EFR3A: variants seen among roughly 807,000 people sequenced by gnomAD.
EFR3A encodes the protein EFR3 homolog A.
EFR3A carries 76 observed loss-of-function variants against 104.4 expected under a neutral mutation model. That is an observed-to-expected ratio of 0.73 (90% CI 0.60 to 0.88). EFR3A has a LOEUF of 0.88. Among genes scored for constraint, EFR3A ranks in the 40% least tolerant of loss-of-function variants. The pLI is 0.00. For synonymous variants in EFR3A, 330 were observed against 330.0 expected (o/e 1.00, Z 0.00); for missense variants, 985 against 1,012.5 (o/e 0.97, Z 0.37).
intron 6 of EFR3A, among the ~76,000 whole-genome samples, chr8:131,954,897 C>T (rs909293761): frequency 2.0e-5 from 3 of 151,974 alleles, no homozygotes; most frequent in South Asian, 2.1e-4. Context: ...TGGTAACACA[C>T]GTTCATGTTA....
In EFR3A at chr8:131,908,306, C is replaced by T. The variant is rs775599705; in HGVS notation, c.10+3984C>T. 5.3e-5 allele frequency among the ~76,000 whole-genome samples: 8 copies of T among 152,082 alleles called. No homozygotes were observed. The East Asian group carries it at 5.8e-4, about 11-fold the overall frequency. ...CAATCTCCTGACCTCGTGATCCACC[C>T]GTCTCGGCCTCCCAAAGTGCTGGGA... On this transcript the variant is annotated intron_variant, in intron 1 of 22. Coordinates refer to ENST00000254624, the MANE Select transcript of EFR3A (RefSeq NM_015137.6).
intron 1 of EFR3A, among the ~76,000 whole-genome samples, chr8:131,929,630 G>C (rs1190131166): frequency 1.3e-5 from 2 of 152,140 alleles, no homozygotes; most frequent in African/African-American, 2.4e-5. Context: ...ATTGTGGCCT[G>C]TATTTGTATT....
At chr8:131,960,054 A>G (rs577793512) in intron 8 of EFR3A, among the ~76,000 whole-genome samples, 18 of 152,208 alleles carry the variant, frequency 1.2e-4, no homozygotes, top group African/African-American at 1.7e-4. Flanking sequence ...TATGTATACA[A>G]CCATTTAAAT....
At chr8:132,008,066 G>GTTGTAC (rs1275473080) in intron 22 of EFR3A, among the ~76,000 whole-genome samples, 1 of 151,838 alleles carries the variant, frequency 6.6e-6, no homozygotes, top group Admixed American at 6.6e-5. Flanking sequence ...GACACACAAA[G>GTTGTAC]TACTAAACAA....
At chr8:131,959,486 G>T in intron 7 of EFR3A, 99 bp from the exon 8 acceptor site, 1 of 864,238 alleles carries the variant, frequency 1.2e-6, no homozygotes, top group Non-Finnish European at 1.8e-6. Context: ...TTTCTTTTAG[G>T]TAATATTCTC....
chr8:131,992,801 G>A (rs1821260136), intron 18 of EFR3A, among the ~76,000 whole-genome samples: 1 of 152,094 alleles, frequency 6.6e-6, no homozygotes, highest in African/African-American at 2.4e-5. Flanking sequence ...ATTAATTAGG[G>A]AAGGTTGAAG....
chr8:131,951,168 A>G (rs1315291265), intron 5 of EFR3A, among the ~76,000 whole-genome samples: 2 of 152,162 alleles, frequency 1.3e-5, no homozygotes, highest in African/African-American at 2.4e-5. Flanking sequence ...AAACAAAAAC[A>G]AGTATAAATG....
intron 1 of EFR3A, among the ~76,000 whole-genome samples, chr8:131,925,552 A>G (rs767481190): frequency 1.8e-4 from 28 of 152,206 alleles, no homozygotes; most frequent in Non-Finnish European, 2.8e-4. Context: ...GACATTAAAT[A>G]TGAAAACACA....
In EFR3A at chr8:131,965,522, C is replaced by T. The variant is rs370865798; in HGVS notation, c.856-2773C>T. The stretch of plus-strand genomic sequence containing the variant: ...AAAACCACAATGAGATACCATCTCA[C>T]GCCAATTAGAATGGCAATCATTAAA... On this transcript the variant is annotated intron_variant, in intron 8 of 22. Transcript: ENST00000254624. Among the ~76,000 whole-genome samples, 35 of 152,324 alleles carry T rather than the reference C, an allele frequency of 2.3e-4. 1 individual carries two copies. The East Asian group carries it at 4.8e-3, about 21-fold the overall frequency.
At chr8:131,966,230 A>T (rs1323505635) in intron 8 of EFR3A, among the ~76,000 whole-genome samples, 1 of 152,076 alleles carries the variant, frequency 6.6e-6, no homozygotes, top group Non-Finnish European at 1.5e-5. Context: ...AATAAATAAA[A>T]AGCAACAAAA....
chr8:131,968,542 G>A lies in EFR3A; in HGVS notation c.991+112G>A, dbSNP rs537458514. 7 of 1,145,422 alleles carry A rather than the reference G, an allele frequency of 6.1e-6. No individual in the cohort carries two copies. The South Asian group carries it at 6.3e-5, about 10-fold the overall frequency. 71.0% of individuals were successfully genotyped at this position (1,145,422 alleles called of 1,614,324 possible). A position where few individuals can be genotyped will look rare whatever the true frequency, so the allele number is the denominator to read the frequency against. On this transcript the variant is annotated intron_variant, in intron 9 of 22. Coordinates refer to ENST00000254624, the MANE Select transcript of EFR3A (RefSeq NM_015137.6). ...TTAAGAATATTTCTACACATTTTTC[G>A]GTGTACAATAATTTTTTTTGAAATT...
At position 131,996,477 on chromosome 8, in the gene EFR3A, A is replaced by G; in HGVS notation, c.2137A>G (p.Asn713Asp). The G allele has an allele frequency of 6.3e-7, 1 of 1,599,054 alleles. No homozygotes were observed. Among genetic ancestry groups the G allele is most frequent in the Non-Finnish European group, 8.5e-7 (1 of 1,173,532 alleles). The change falls in exon 19 of 23, where the codon AAT becomes GAT. Residue 713 changes from asparagine (N) to aspartate (D), a missense_variant. Asn to Asp is a conservative substitution (Grantham distance 23). Transcript: ENST00000254624. ...VSIQVDILSN[N>D]VPSDDVVSNT... ...CATTCAGGTGGATATTTTATCCAAC[A>G]ATGTTCCTTCTGATGATGTGGTAAG...
intron 6 of EFR3A, among the ~76,000 whole-genome samples, chr8:131,955,339 G>C (rs539089810): frequency 6.6e-6 from 1 of 152,094 alleles, no homozygotes; most frequent in Non-Finnish European, 1.5e-5. Context: ...AGATATTCTA[G>C]TTAGCTTTTA....
At chr8:131,923,249 CAT>C (rs760047482) in intron 1 of EFR3A, among the ~76,000 whole-genome samples, 2 of 152,014 alleles carry the variant, frequency 1.3e-5, no homozygotes, top group African/African-American at 2.4e-5. Flanking sequence ...AATATGTTGG[CAT>C]GTGTGTGTAT....
At chr8:131,905,846 G>C (rs1455376453) in intron 1 of EFR3A, among the ~76,000 whole-genome samples, 1 of 152,216 alleles carries the variant, frequency 6.6e-6, no homozygotes. Flanking sequence ...TTGGTAACAT[G>C]CCAGAATTAT....
chr8:131,966,728 T>C (rs1224366450), intron 8 of EFR3A, among the ~76,000 whole-genome samples: 1 of 152,180 alleles, frequency 6.6e-6, no homozygotes, highest in Non-Finnish European at 1.5e-5. Flanking sequence ...CCAGGGCTTA[T>C]GTACTTCACC....
In EFR3A at chr8:132,010,917, A is replaced by T. The variant is rs1311986620; in HGVS notation, c.*22A>T. On this transcript the variant is annotated 3_prime_UTR_variant, in exon 23 of 23. Transcript: ENST00000254624. ...CTGATCGGCGCATGAAGACCTCAGG[A>T]TATGATTTGTAAAGCCTAAAAATTA... is the stretch of plus-strand genomic sequence containing the variant. The T allele has an allele frequency of 1.9e-6, 3 of 1,557,712 alleles. No individual in the cohort carries two copies. Among genetic ancestry groups the T allele is most frequent in the Non-Finnish European group, 2.6e-6 (3 of 1,140,690 alleles).
At chr8:131,984,889 A>G (rs978927626) in intron 15 of EFR3A, 40 bp from the exon 16 acceptor site, 3 of 1,565,062 alleles carry the variant, frequency 1.9e-6, no homozygotes, top group African/African-American at 2.7e-5. Flanking sequence ...GGTGAAGTAT[A>G]AGAACTTGAT....
At position 131,940,532 on chromosome 8, in the gene EFR3A, G is replaced by A; in HGVS notation, c.44G>A (p.Arg15His). Reference sequence around the variant, plus strand: ...TGCTGCTGTTCCGCTTTGCGTCCTCGCTACAAACGCCTGGTGGACAACATA... The same window carrying A: ...TGCTGCTGTTCCGCTTTGCGTCCTCACTACAAACGCCTGGTGGACAACATA... ...VCCCCSALRPRYKRLVDNIFP... is the reference protein window; with the variant it reads ...VCCCCSALRPHYKRLVDNIFP... The change falls in exon 2 of 23, where the codon CGC (arginine) becomes CAC (histidine). Residue 15 changes from arginine to histidine, a missense_variant. Transcript: ENST00000254624. 1.9e-6 allele frequency: 3 copies of A among 1,604,958 alleles called. No homozygotes were observed. Among genetic ancestry groups the A allele is most frequent in the Non-Finnish European group, 2.5e-6 (3 of 1,176,868 alleles).
Sources: allele counts gnomAD v4.1 joint callset (sites outside exome capture counted in the v4.1 genomes callset), GRCh38; gene constraint gnomAD v4.1.1; transcripts MANE v1.5; gene names NCBI Gene and HGNC (gene_info 2026-07-23, HGNC 2026-07-21).